The following FLT1 variants were observed in gnomAD, a reference collection of about 807,000 sequenced individuals.
FLT1 encodes the protein fms related receptor tyrosine kinase 1, also known as vascular endothelial growth factor receptor 1.
Under a neutral mutation model 156.3 loss-of-function variants are expected in FLT1, and 49 were observed. The ratio of observed to expected loss-of-function variants is 0.31; its 90% CI spans 0.25 to 0.40. The LOEUF (loss-of-function observed/expected upper bound fraction) is 0.40. FLT1 is among the 10% of genes least tolerant of loss of function. The pLI is 1.00. For synonymous variants in FLT1, 594 were observed against 583.8 expected, an observed-to-expected ratio of 1.02 and a Z score of -0.25; for missense variants, 1,322 against 1,637.2, an observed-to-expected ratio of 0.81 and a Z score of 3.32.
At position 28,477,596 on chromosome 13, in the gene FLT1, G is replaced by A. The variant is rs1048554185; in HGVS notation, c.65-9979C>T. On this transcript the variant is annotated intron_variant, in intron 1 of 29. Transcript: ENST00000282397. ...TAGACCTTCGTCTGGTTATGCAAAT[G>A]GACACGAACAGAGAAAACACTCTTT... is the stretch of plus-strand genomic sequence containing the variant. Among the ~76,000 whole-genome samples the A allele has an allele frequency of 4.6e-5, 7 of 152,184 alleles. No individual in the cohort carries two copies. In the South Asian group the frequency reaches 1.0e-3, roughly 23 times the overall value.
intron 14 of FLT1, among the ~76,000 whole-genome samples, chr13:28,377,080 T>C (rs995579130): frequency 5.9e-5 from 9 of 152,228 alleles, no homozygotes; most frequent in African/African-American, 2.2e-4. Context: ...CCCTTCACAC[T>C]GCATTTTCCT....
intron 12 of FLT1, among the ~76,000 whole-genome samples, chr13:28,391,400 CT>C (rs1443582284): frequency 1.6e-4 from 25 of 152,198 alleles, no homozygotes; most frequent in African/African-American, 6.0e-4. Context: ...AAATGCATAC[CT>C]TATTGCCTCC....
chr13:28,451,989 G>C (rs994875086), intron 3 of FLT1, among the ~76,000 whole-genome samples: 7 of 152,202 alleles, frequency 4.6e-5, no homozygotes, highest in Admixed American at 4.6e-4. Flanking sequence ...ATATGCGCCA[G>C]TGTGGCTAGT....
chr13:28,344,927 G>A (rs1872509435), intron 16 of FLT1, among the ~76,000 whole-genome samples: 1 of 146,440 alleles, frequency 6.8e-6, no homozygotes, highest in Non-Finnish European at 1.5e-5. Context: ...TCAGCCTCCC[G>A]AGTAGCTGGG....
At chr13:28,423,105 T>C (rs1877108589) in intron 10 of FLT1, among the ~76,000 whole-genome samples, 2 of 152,262 alleles carry the variant, frequency 1.3e-5, no homozygotes, top group Admixed American at 6.5e-5. Context: ...TTGTTCAAAA[T>C]GCAGGCGGAA....
At chr13:28,468,939 C>A (rs1183466174) in intron 1 of FLT1, among the ~76,000 whole-genome samples, 1 of 152,208 alleles carries the variant, frequency 6.6e-6, no homozygotes, top group Non-Finnish European at 1.5e-5. Context: ...ATAGGTGCTA[C>A]AGAGGCTGAG....
intron 3 of FLT1, among the ~76,000 whole-genome samples, chr13:28,459,149 G>A (rs1221369824): frequency 1.3e-5 from 2 of 152,208 alleles, no homozygotes; most frequent in African/African-American, 2.4e-5. Context: ...GTCTCAGGTT[G>A]CTGCCATTTT....
chr13:28,323,020 G>T (rs1871531857), intron 20 of FLT1, 74 bp from the exon 21 acceptor site: 1 of 1,468,466 alleles, frequency 6.8e-7, no homozygotes, highest in African/African-American at 1.4e-5. Flanking sequence ...CCCTCAACTG[G>T]CAATCGCCTG....
intron 3 of FLT1, among the ~76,000 whole-genome samples, chr13:28,453,140 T>C (rs1257573408): frequency 7.4e-6 from 1 of 135,950 alleles, no homozygotes; most frequent in Admixed American, 8.0e-5. Flanking sequence ...TCCTTTCCTT[T>C]CTGACAGAGT....
chr13:28,306,147 G>A (rs775540557), intron 29 of FLT1, among the ~76,000 whole-genome samples: 4 of 152,360 alleles, frequency 2.6e-5, no homozygotes, highest in South Asian at 4.1e-4. Context: ...TGGCCACGGC[G>A]TGGAGGGAGG....
At position 28,389,057 on chromosome 13, in the gene FLT1, T is replaced by C. The variant is rs1021837974; in HGVS notation, c.1969+739A>G. The C allele has an allele frequency of 1.8e-5, 19 of 1,063,852 alleles. No individual in the cohort carries two copies. The African/African-American group carries it at 3.1e-4, about 17-fold the overall frequency. 65.9% of individuals were successfully genotyped at this position (1,063,852 alleles called of 1,614,324 possible). A position where few individuals can be genotyped will look rare whatever the true frequency, so the allele number is the denominator to read the frequency against. On this transcript the variant is annotated intron_variant, in intron 13 of 29. Transcript: ENST00000282397. ...TGGACTCTTATAATTCACACTGCGA[T>C]AAACCTTTACTATCTCTGAATTACA...
intron 15 of FLT1, 116 bp downstream of exon 15, chr13:28,357,438 G>T: frequency 1.9e-6 from 2 of 1,064,346 alleles, no homozygotes; most frequent in Non-Finnish European, 2.9e-6. Flanking sequence ...GGAGAAGGAG[G>T]TCAGGGAAAG....
chr13:28,319,906 G>T (rs770529897), intron 23 of FLT1, among the ~76,000 whole-genome samples: 2 of 152,166 alleles, frequency 1.3e-5, no homozygotes, highest in African/African-American at 2.4e-5. Flanking sequence ...GAAAACTGGT[G>T]GTGGTTTCCA....
intron 20 of FLT1, among the ~76,000 whole-genome samples, chr13:28,325,017 A>G (rs569660052): frequency 6.6e-6 from 1 of 152,336 alleles, no homozygotes; most frequent in Non-Finnish European, 1.5e-5. Flanking sequence ...GAAGTATTCC[A>G]TTTTCAATTT....
Position 28,322,377 on chromosome 13 carries a change from C to T in FLT1, c.2954-18G>A, listed in dbSNP as rs370463558. On this transcript the variant is annotated intron_variant, in intron 21 of 29. Coordinates refer to ENST00000282397, the MANE Select transcript of FLT1 (RefSeq NM_002019.4). The surrounding 1 kb of genome is among the most constrained non-coding windows in gnomAD (Gnocchi z 4.3). ...GTCAGAATCTGGAAAGCATTAGAAC[C>T]GTAACTGTTTGTAATGGCTCTTGTT... 5.6e-5 allele frequency: 85 copies of T among 1,512,608 alleles called. No homozygotes were observed. The highest frequency in any genetic ancestry group is 3.6e-4 in the South Asian group (32 of 89,056). The allele number at this position is 1,512,608 out of a possible 1,614,324, so 93.7% of individuals were successfully genotyped here.
chr13:28,347,378 A>T (rs1872602974), intron 15 of FLT1, among the ~76,000 whole-genome samples: 1 of 151,714 alleles, frequency 6.6e-6, no homozygotes, highest in Non-Finnish European at 1.5e-5. Context: ...CAAAAAAAAA[A>T]TTAGCTGGGT....
rs1874610670 is a variant in FLT1, at chr13:28,390,040, C to A, written c.1725G>T (p.Leu575=). 4.3e-6 allele frequency: 7 copies of A among 1,614,208 alleles called. No individual in the cohort carries two copies. Among genetic ancestry groups the A allele is most frequent in the Middle Eastern group, 3.3e-4 (2 of 6,062 alleles). Residue 575 remains leucine, a synonymous_variant, in exon 13 of 30, where the codon CTG becomes CTT. Transcript: ENST00000282397. ...KMPTEGEDLK[L]SCTVNKFLYR... ...ATAAGAACTTGTTAACTGTGCAAGA[C>A]AGTTTCAGGTCCTCTCCTTCCGTCG...
intron 3 of FLT1, among the ~76,000 whole-genome samples, chr13:28,462,793 A>C (rs1879656810): frequency 6.6e-6 from 1 of 152,094 alleles, no homozygotes; most frequent in Non-Finnish European, 1.5e-5. Context: ...CAATTCTGTC[A>C]ACTCTCCTTC....
chr13:28,434,315 A>T, intron 4 of FLT1, 95 bp from the exon 5 acceptor site: 1 of 1,175,410 alleles, frequency 8.5e-7, no homozygotes, highest in Non-Finnish European at 1.2e-6. Flanking sequence ...TTTTTCATCT[A>T]AAATGAAAAT....
Sources: gnomAD v4.1 joint callset for allele counts (sites outside exome capture counted in the v4.1 genomes callset) on GRCh38, gnomAD v4.1.1 for gene constraint, Gnocchi (gnomAD v3.1) non-coding constraint, MANE v1.5 for transcripts, NCBI Gene and HGNC (gene_info 2026-07-23, HGNC 2026-07-21) for gene names.